The following ABI3BP variants were observed in gnomAD, a reference collection of about 807,000 sequenced individuals.
ABI3BP encodes ABI family member 3 binding protein, also known as target of Nesh-SH3.
In ABI3BP, 216 loss-of-function variants were observed where a neutral mutation model predicts 268.6. The observed-to-expected ratio is 0.80, with a 90% CI of 0.72 to 0.90. ABI3BP has a LOEUF of 0.90. Ranked by LOEUF, ABI3BP falls within the 40% of genes least tolerant of loss-of-function variation. The pLI is 0.00. For missense variants in ABI3BP, 2,090 were observed against 2,182.4 expected, an observed-to-expected ratio of 0.96 and a Z score of 0.84; for synonymous variants, 730 against 730.0, an observed-to-expected ratio of 1.00 and a Z score of 0.00.
chr3:100,924,510 G>A (rs960715695), intron 2 of ABI3BP, among the ~76,000 whole-genome samples: 3 of 152,058 alleles, frequency 2.0e-5, no homozygotes, highest in African/African-American at 4.8e-5. Flanking sequence ...AATACAGTAT[G>A]TATGAAAGAA....
In ABI3BP at chr3:100,900,761, C is replaced by T. The variant is rs146206364; in HGVS notation, c.328+1857G>A. 4.3e-3 allele frequency among the ~76,000 whole-genome samples: 650 copies of T among 152,172 alleles called. 4 individuals carry two copies. The highest frequency in any genetic ancestry group is 0.015 in the African/African-American group (603 of 41,526). ...TATTCCTAAATGCAGATAACAAAAA[C>T]AAAATTATATCCGCTATCCAAAAAG... On this transcript the variant is annotated intron_variant, in intron 3 of 67. Coordinates refer to ENST00000471714, the MANE Select transcript of ABI3BP (RefSeq NM_001375547.2).
At chr3:100,775,143 C>T in intron 60 of ABI3BP, 64 bp downstream of exon 60, 3 of 1,565,394 alleles carry the variant, frequency 1.9e-6, no homozygotes, top group Non-Finnish European at 2.6e-6. Flanking sequence ...CCATCCCCAC[C>T]AACATTTAAA....
chr3:100,909,173 T>G (rs1361667405), intron 2 of ABI3BP, among the ~76,000 whole-genome samples: 2 of 152,170 alleles, frequency 1.3e-5, no homozygotes, highest in Non-Finnish European at 2.9e-5. Context: ...ATTCACTACT[T>G]AACAAATGGT....
At chr3:100,857,746 T>C (rs1199275057) in intron 14 of ABI3BP, among the ~76,000 whole-genome samples, 1 of 152,222 alleles carries the variant, frequency 6.6e-6, no homozygotes, top group Admixed American at 6.5e-5. Flanking sequence ...TTCCCCCCTC[T>C]AACCCATTTG....
At chr3:100,940,885 C>G (rs1157068230) in intron 1 of ABI3BP, among the ~76,000 whole-genome samples, 2 of 121,570 alleles carry the variant, frequency 1.6e-5, no homozygotes, top group East Asian at 2.6e-4. Flanking sequence ...CAATTCTGGA[C>G]TTTTGTAAAT....
Position 100,751,651 on chromosome 3 carries a change from G to C in ABI3BP, c.5146C>G (p.Gln1716Glu), listed in dbSNP as rs1398959966. 6.2e-7 allele frequency: 1 copy of C among 1,603,368 alleles called. No homozygotes were observed. The change falls in exon 67 of 68, where the codon CAG (glutamine) becomes GAG (glutamate). Residue 1716 changes from glutamine to glutamate, a missense_variant. Gln to Glu is a conservative substitution (Grantham distance 29). Transcript: ENST00000471714. Reference sequence around the variant, plus strand: ...CAGTGATCTTCTCCATGGCCCCTCTGATCACCTATGTTATAAAATTTTCCT... The same window carrying C: ...CAGTGATCTTCTCCATGGCCCCTCTCATCACCTATGTTATAAAATTTTCCT... ...LTGKFYNIGD[Q>E]RGHGEDHCQF...
intron 32 of ABI3BP, among the ~76,000 whole-genome samples, chr3:100,830,234 C>A (rs2098469273): frequency 6.9e-6 from 1 of 144,964 alleles, no homozygotes. Context: ...AATAGCTGTG[C>A]CGATTTACTC....
chr3:100,754,566 G>T, intron 64 of ABI3BP, 46 bp downstream of exon 64: 2 of 1,505,910 alleles, frequency 1.3e-6, no homozygotes, highest in Non-Finnish European at 1.8e-6. Flanking sequence ...TTGCTCCACT[G>T]TGGCCCTTTT....
chr3:100,846,611 A>G, intron 19 of ABI3BP, 165 bp from the exon 20 acceptor site: 1 of 495,344 alleles, frequency 2.0e-6, no homozygotes, highest in Non-Finnish European at 3.6e-6. Context: ...TTCATGATCC[A>G]TTCACAGAGA....
At chr3:100,969,323 T>C (rs1457106830) in intron 1 of ABI3BP, among the ~76,000 whole-genome samples, 1 of 152,174 alleles carries the variant, frequency 6.6e-6, no homozygotes, top group Admixed American at 6.5e-5. Context: ...AGATGACATA[T>C]GTAGGGCTCT....
intron 57 of ABI3BP, 59 bp downstream of exon 57, chr3:100,787,669 A>G: frequency 1.5e-6 from 2 of 1,348,390 alleles, no homozygotes; most frequent in Non-Finnish European, 2.0e-6. Flanking sequence ...ATATCATGAA[A>G]ATTAAATAAC....
At chr3:100,776,002 T>G (rs59374249) in intron 59 of ABI3BP, among the ~76,000 whole-genome samples, 1 of 152,102 alleles carries the variant, frequency 6.6e-6, no homozygotes, top group Non-Finnish European at 1.5e-5. Flanking sequence ...GGAAAAAGAT[T>G]CCTAGGGTTA....
chr3:100,910,098 T>C (rs1028844682), intron 2 of ABI3BP, among the ~76,000 whole-genome samples: 18 of 152,214 alleles, frequency 1.2e-4, no homozygotes, highest in Non-Finnish European at 2.2e-4. Context: ...GATGAGTTCA[T>C]GTCCTTTGCG....
intron 24 of ABI3BP, among the ~76,000 whole-genome samples, 169 bp from the exon 25 acceptor site, chr3:100,838,633 T>C (rs1052864641): frequency 6.6e-6 from 1 of 152,208 alleles, no homozygotes; most frequent in Non-Finnish European, 1.5e-5. Flanking sequence ...ACTAGCATAA[T>C]TAGTTTTTCC....
At chr3:100,862,472 A>G in intron 13 of ABI3BP, 87 bp from the exon 14 acceptor site, 1 of 841,918 alleles carries the variant, frequency 1.2e-6, no homozygotes, top group South Asian at 1.7e-5. Context: ...GGTATGGTTA[A>G]GTGGCTACCA....
At chr3:100,936,515 CT>C (rs978196318) in intron 1 of ABI3BP, among the ~76,000 whole-genome samples, 1 of 152,260 alleles carries the variant, frequency 6.6e-6, no homozygotes, top group South Asian at 2.1e-4. Flanking sequence ...AGAAATCCCT[CT>C]TTTTTTATTG....
intron 1 of ABI3BP, among the ~76,000 whole-genome samples, chr3:100,953,581 A>C (rs1373961406): frequency 1.3e-5 from 2 of 150,408 alleles, no homozygotes; most frequent in African/African-American, 2.5e-5. Context: ...GCATGTAAGA[A>C]GATACTGTTA....
chr3:100,930,611 ATT>A, intron 1 of ABI3BP: 1 of 152,224 alleles, frequency 6.6e-6, no homozygotes, highest in East Asian at 1.9e-4. Context: ...AAATGGATAA[ATT>A]ACTGGAACCA....
At chr3:100,860,720 A>G (rs1049393427) in intron 14 of ABI3BP, among the ~76,000 whole-genome samples, 1 of 152,168 alleles carries the variant, frequency 6.6e-6, no homozygotes, top group Non-Finnish European at 1.5e-5. Flanking sequence ...TTGAATATTC[A>G]TAGAAACCAA....
Sources: gnomAD v4.1 joint callset for allele counts (sites outside exome capture counted in the v4.1 genomes callset) on GRCh38, gnomAD v4.1.1 for gene constraint, MANE v1.5 for transcripts, NCBI Gene and HGNC (gene_info 2026-07-23, HGNC 2026-07-21) for gene names.